Variants in PDZRN3 observed in about 807,000 individuals in gnomAD.
PDZRN3 encodes E3 ubiquitin-protein ligase PDZRN3.
A neutral mutation model predicts 85.7 loss-of-function variants in PDZRN3; 38 were observed. That is an observed-to-expected ratio of 0.44 (90% CI 0.34 to 0.58). PDZRN3 has a LOEUF of 0.58. PDZRN3 is among the 20% of genes least tolerant of loss of function. PDZRN3 has a pLI of 0.01. For synonymous variants in PDZRN3, 759 were observed against 638.0 expected, an observed-to-expected ratio of 1.19 and a Z score of -2.86; for missense variants, 1,629 against 1,506.4, an observed-to-expected ratio of 1.08 and a Z score of -1.35.
chr3:73,493,427 A>G (rs1272923773), intron 3 of PDZRN3, among the ~76,000 whole-genome samples: 1 of 152,198 alleles, frequency 6.6e-6, no homozygotes, highest in African/African-American at 2.4e-5. Context: ...CCTCAGAAGC[A>G]TTCCAAACCT....
chr3:73,459,111 G>A (rs543691032), intron 3 of PDZRN3, among the ~76,000 whole-genome samples: 2 of 152,166 alleles, frequency 1.3e-5, no homozygotes, highest in Admixed American at 1.3e-4. Flanking sequence ...CCTCTTCACA[G>A]GGCGGCAGAA....
intron 3 of PDZRN3, among the ~76,000 whole-genome samples, chr3:73,565,153 G>C (rs907991152): frequency 7.5e-6 from 1 of 133,742 alleles, no homozygotes; most frequent in Non-Finnish European, 1.6e-5. Flanking sequence ...TTTTGAGATG[G>C]ATTCTTACTC....
At chr3:73,606,846 G>C (rs1340225258) in intron 2 of PDZRN3, among the ~76,000 whole-genome samples, 1 of 152,198 alleles carries the variant, frequency 6.6e-6, no homozygotes, top group East Asian at 1.9e-4. Context: ...TGTGGAATGG[G>C]CTAAAAGCAA....
chr3:73,576,731 T>C (rs1467617359), intron 3 of PDZRN3, among the ~76,000 whole-genome samples: 1 of 152,208 alleles, frequency 6.6e-6, no homozygotes, highest in Non-Finnish European at 1.5e-5. Flanking sequence ...TTGATAGACA[T>C]GAATATCTAC....
chr3:73,389,677 C>G (rs2306507), intron 7 of PDZRN3, 139 bp downstream of exon 7: 156,262 of 666,528 alleles, frequency 0.23, 20,237 homozygotes, highest in Non-Finnish European at 0.28. Context: ...TTTAACTTGT[C>G]TGGCCTCACT....
chr3:73,412,558 C>T (rs1701995263), intron 3 of PDZRN3, among the ~76,000 whole-genome samples: 3 of 152,302 alleles, frequency 2.0e-5, no homozygotes, highest in East Asian at 1.9e-4. Flanking sequence ...AGGAGTTCTA[C>T]GTCTGATGAG....
chr3:73,602,578 T>G (rs1182013803), intron 2 of PDZRN3, 117 bp from the exon 3 acceptor site: 2 of 634,148 alleles, frequency 3.2e-6, no homozygotes, highest in African/African-American at 3.6e-5. Flanking sequence ...GGCAATAGGG[T>G]AAAAGGTATT....
intron 3 of PDZRN3, among the ~76,000 whole-genome samples, chr3:73,562,983 TTATATATATATATATA>T (rs56679097): frequency 1.1e-4 from 2 of 18,950 alleles, no homozygotes; most frequent in African/African-American, 1.4e-4. Flanking sequence ...AGTTGGCAAA[TTATATATATATATATA>T]TATATATATA....
intron 3 of PDZRN3, among the ~76,000 whole-genome samples, chr3:73,562,313 T>C (rs1225239854): frequency 6.6e-6 from 1 of 152,148 alleles, no homozygotes; most frequent in Non-Finnish European, 1.5e-5. Flanking sequence ...GTAAGTGTAA[T>C]ATAGATAGTG....
At chr3:73,601,112 T>C (rs1449801512) in intron 3 of PDZRN3, among the ~76,000 whole-genome samples, 1 of 152,200 alleles carries the variant, frequency 6.6e-6, no homozygotes, top group Non-Finnish European at 1.5e-5. Context: ...CTGTGAGATT[T>C]AACTGTGTAT....
chr3:73,563,175 C>T (rs1315678314), intron 3 of PDZRN3, among the ~76,000 whole-genome samples: 2 of 149,766 alleles, frequency 1.3e-5, no homozygotes, highest in Non-Finnish European at 3.0e-5. Flanking sequence ...CCCGCCACCA[C>T]GCCCGGCTAT....
chr3:73,416,181 C>T (rs185404339), intron 3 of PDZRN3, among the ~76,000 whole-genome samples: 1 of 151,954 alleles, frequency 6.6e-6, no homozygotes, highest in Admixed American at 6.6e-5. Context: ...GGAAGGGTAG[C>T]CCTCCCACCG....
chr3:73,506,935 C>T (rs746404005), intron 3 of PDZRN3, among the ~76,000 whole-genome samples: 80 of 151,804 alleles, frequency 5.3e-4, no homozygotes, highest in Admixed American at 1.3e-3. Flanking sequence ...AACTTCAACC[C>T]AGCATTGTTT....
intron 3 of PDZRN3, among the ~76,000 whole-genome samples, chr3:73,407,389 G>C (rs1701876339): frequency 6.6e-6 from 1 of 152,116 alleles, no homozygotes; most frequent in African/African-American, 2.4e-5. Flanking sequence ...CACTGAATAA[G>C]TGAATTAACC....
At chr3:73,552,245 T>C (rs1701580707) in intron 3 of PDZRN3, among the ~76,000 whole-genome samples, 2 of 151,950 alleles carry the variant, frequency 1.3e-5, no homozygotes, top group Non-Finnish European at 2.9e-5. Flanking sequence ...TGTGTGTGTG[T>C]GTGTGTGTGT....
At chr3:73,589,540 A>C (rs1377950978) in intron 3 of PDZRN3, among the ~76,000 whole-genome samples, 1 of 152,234 alleles carries the variant, frequency 6.6e-6, no homozygotes, top group Non-Finnish European at 1.5e-5. Flanking sequence ...TGGTAAGTTT[A>C]ATAGATGAGA....
At chr3:73,437,319 G>C (rs962472819) in intron 3 of PDZRN3, among the ~76,000 whole-genome samples, 1 of 152,184 alleles carries the variant, frequency 6.6e-6, no homozygotes, top group African/African-American at 2.4e-5. Flanking sequence ...AAGATAGCTA[G>C]ATTTTCACAT....
At chr3:73,474,215 C>T (rs950974087) in intron 3 of PDZRN3, among the ~76,000 whole-genome samples, 2 of 152,152 alleles carry the variant, frequency 1.3e-5, no homozygotes, top group African/African-American at 4.8e-5. Context: ...TGGTTTTCAC[C>T]AGCCTGTCAA....
chr3:73,608,296 G>C (rs1466337978), intron 2 of PDZRN3, among the ~76,000 whole-genome samples: 1 of 152,144 alleles, frequency 6.6e-6, no homozygotes, highest in Non-Finnish European at 1.5e-5. Flanking sequence ...CACATCTCAC[G>C]CAACTTCATT....
Sources: gnomAD v4.1 joint callset for allele counts (sites outside exome capture counted in the v4.1 genomes callset) on GRCh38, gnomAD v4.1.1 for gene constraint, MANE v1.5 for transcripts, NCBI Gene and HGNC (gene_info 2026-07-23, HGNC 2026-07-21) for gene names.